Variants in SRBD1 observed in about 807,000 individuals in gnomAD.
SRBD1 encodes S1 RNA-binding domain-containing protein 1.
SRBD1 carries 88 observed loss-of-function variants against 115.3 expected under a neutral mutation model. The ratio of observed to expected loss-of-function variants is 0.76; its 90% CI spans 0.64 to 0.91. SRBD1 has a LOEUF of 0.91. Ranked by LOEUF, SRBD1 falls within the 40% of genes least tolerant of loss-of-function variation. The probability of loss-of-function intolerance (pLI) is 0.00; values close to 1 mark genes in which losing one functional copy is unlikely to be tolerated. For missense variants in SRBD1, 1,385 were observed against 1,177.4 expected, an observed-to-expected ratio of 1.18 and a Z score of -2.58; for synonymous variants, 509 against 407.7, an observed-to-expected ratio of 1.25 and a Z score of -2.99.
chr2:45,524,302 G>A (rs1012562099), intron 14 of SRBD1, among the ~76,000 whole-genome samples: 1 of 151,918 alleles, frequency 6.6e-6, no homozygotes, highest in East Asian at 1.9e-4. Flanking sequence ...TCTAGCTATG[G>A]TAATTAGGCA....
intron 16 of SRBD1, among the ~76,000 whole-genome samples, chr2:45,452,903 T>C (rs1669037945): frequency 6.6e-6 from 1 of 151,994 alleles, no homozygotes; most frequent in East Asian, 1.9e-4. Context: ...AGGTTTTCGT[T>C]AGAATGTCTG....
At chr2:45,482,435 G>A (rs537003465) in intron 15 of SRBD1, among the ~76,000 whole-genome samples, 1 of 152,082 alleles carries the variant, frequency 6.6e-6, no homozygotes, top group Admixed American at 6.5e-5. Context: ...ATATGCTATC[G>A]AACCAATAAC....
intron 12 of SRBD1, among the ~76,000 whole-genome samples, chr2:45,548,316 A>T (rs1024740422): frequency 5.9e-5 from 9 of 151,992 alleles, no homozygotes; most frequent in Non-Finnish European, 8.8e-5. Flanking sequence ...AGAGAAAAAC[A>T]TACTTTTAGC....
intron 1 of SRBD1, among the ~76,000 whole-genome samples, chr2:45,606,419 C>T (rs1037865363): frequency 1.3e-5 from 2 of 152,144 alleles, no homozygotes; most frequent in African/African-American, 2.4e-5. Flanking sequence ...CTCGGCCTCC[C>T]AAAGTGCTGG....
chr2:45,515,450 A>G (rs10197557), intron 14 of SRBD1, among the ~76,000 whole-genome samples: 4 of 152,102 alleles, frequency 2.6e-5, no homozygotes, highest in African/African-American at 4.8e-5. Flanking sequence ...TACAGCGTAG[A>G]TATCTTATTT....
intron 16 of SRBD1, among the ~76,000 whole-genome samples, chr2:45,464,033 A>T (rs1669405441): frequency 6.6e-6 from 1 of 152,160 alleles, no homozygotes; most frequent in East Asian, 1.9e-4. Context: ...ATTTAGTCAT[A>T]ATCAAAGAAC....
chr2:45,570,733 C>T (rs1672980610), intron 9 of SRBD1, among the ~76,000 whole-genome samples: 2 of 152,180 alleles, frequency 1.3e-5, no homozygotes, highest in South Asian at 2.1e-4. Flanking sequence ...TGACAGCCCA[C>T]GTTCCTAGGG....
intron 14 of SRBD1, among the ~76,000 whole-genome samples, chr2:45,529,020 A>T (rs973886799): frequency 3.9e-5 from 6 of 151,914 alleles, no homozygotes; most frequent in Non-Finnish European, 5.9e-5. Flanking sequence ...TGAGTAAATA[A>T]ATTTTGATAG....
At chr2:45,411,249 G>A (rs944750966) in intron 19 of SRBD1, among the ~76,000 whole-genome samples, 6 of 152,130 alleles carry the variant, frequency 3.9e-5, no homozygotes, top group African/African-American at 1.4e-4. Flanking sequence ...TACATATTTT[G>A]GTGACCAGAG....
At chr2:45,606,406 C>T (rs1385024387) in intron 1 of SRBD1, among the ~76,000 whole-genome samples, 2 of 152,034 alleles carry the variant, frequency 1.3e-5, no homozygotes, top group Non-Finnish European at 2.9e-5. Flanking sequence ...GTGATCCGCC[C>T]ACCTCGGCCT....
chr2:45,575,119 A>C (rs969948453), intron 7 of SRBD1, among the ~76,000 whole-genome samples: 11 of 152,188 alleles, frequency 7.2e-5, no homozygotes, highest in Non-Finnish European at 1.5e-4. Flanking sequence ...TGTTATGGGA[A>C]ATATATATTA....
chr2:45,598,508 G>A (rs953153862), intron 4 of SRBD1, among the ~76,000 whole-genome samples: 1 of 152,172 alleles, frequency 6.6e-6, no homozygotes, highest in South Asian at 2.1e-4. Context: ...CAGCTACTCG[G>A]GAGGCTGAGG....
chr2:45,399,911 C>A (rs553957258), intron 19 of SRBD1, among the ~76,000 whole-genome samples: 7 of 152,080 alleles, frequency 4.6e-5, no homozygotes, highest in African/African-American at 1.7e-4. Context: ...AAGAAGAGGG[C>A]AAATTAAAAA....
At chr2:45,590,257 G>C (rs938820339) in intron 4 of SRBD1, among the ~76,000 whole-genome samples, 1 of 152,176 alleles carries the variant, frequency 6.6e-6, no homozygotes, top group African/African-American at 2.4e-5. Context: ...TCCATTCCTA[G>C]GCGTACGCTG....
chr2:45,540,458 C>T (rs896983979), intron 14 of SRBD1, among the ~76,000 whole-genome samples: 13 of 151,572 alleles, frequency 8.6e-5, no homozygotes, highest in Admixed American at 3.9e-4. Flanking sequence ...TCACAGTAAC[C>T]TTGATTTTGC....
chr2:45,491,041 T>C (rs1306838540), intron 14 of SRBD1, among the ~76,000 whole-genome samples: 2 of 152,142 alleles, frequency 1.3e-5, no homozygotes, highest in Admixed American at 6.5e-5. Context: ...TGAAGAAGTA[T>C]ATGTGACTAG....
At chr2:45,464,469 T>G (rs1252461833) in intron 16 of SRBD1, among the ~76,000 whole-genome samples, 2 of 152,176 alleles carry the variant, frequency 1.3e-5, no homozygotes, top group African/African-American at 4.8e-5. Flanking sequence ...ATGGCAAATA[T>G]AATAAACAAG....
At chr2:45,589,402 G>T (rs1212520080) in intron 4 of SRBD1, among the ~76,000 whole-genome samples, 1 of 152,142 alleles carries the variant, frequency 6.6e-6, no homozygotes, top group Non-Finnish European at 1.5e-5. Flanking sequence ...GGTAACCAAG[G>T]GAGGCCTGCT....
intron 16 of SRBD1, among the ~76,000 whole-genome samples, chr2:45,434,926 C>G (rs982411804): frequency 6.6e-6 from 1 of 152,024 alleles, no homozygotes; most frequent in Non-Finnish European, 1.5e-5. Flanking sequence ...CCCGCTCCCC[C>G]CACCCCACGA....
Sources: gnomAD v4.1 joint callset for allele counts (sites outside exome capture counted in the v4.1 genomes callset) on GRCh38, gnomAD v4.1.1 for gene constraint, MANE v1.5 for transcripts, NCBI Gene and HGNC (gene_info 2026-07-23, HGNC 2026-07-21) for gene names.